RNF144A: variants seen among roughly 807,000 people sequenced by gnomAD.
RNF144A encodes the protein ring finger protein 144A, also known as E3 ubiquitin-protein ligase RNF144A.
A neutral mutation model predicts 38.7 loss-of-function variants in RNF144A; 11 were observed. That is an observed-to-expected ratio of 0.28 (90% confidence interval 0.18 to 0.47). RNF144A has a LOEUF of 0.47. Among genes scored for constraint, RNF144A ranks in the 20% least tolerant of loss-of-function variants. The pLI is 0.99. For synonymous variants in RNF144A, 149 were observed against 143.9 expected, an observed-to-expected ratio of 1.04 and a Z score of -0.25; for missense variants, 316 against 377.2, an observed-to-expected ratio of 0.84 and a Z score of 1.34.
In RNF144A at chr2:6,958,960, A is replaced by G. The variant is rs966541106; in HGVS notation, c.-12+17813A>G. 5.3e-5 allele frequency among the ~76,000 whole-genome samples: 8 copies of G among 152,224 alleles called. No individual in the cohort carries two copies. Among genetic ancestry groups the G allele is most frequent in the African/African-American group, 1.7e-4 (7 of 41,464 alleles). On this transcript the variant is annotated intron_variant, in intron 2 of 8. Coordinates refer to ENST00000320892, the MANE Select transcript of RNF144A (RefSeq NM_014746.6). The surrounding 1 kb of genome is among the most constrained non-coding windows in gnomAD (Gnocchi z 4.5). ...TAAATGGTGCATTAGATCATCTTGC[A>G]GGTGCAGCGTGGGCGTCCAGTTACT...
At chr2:7,027,590 C>T (rs1331055835) in intron 7 of RNF144A, among the ~76,000 whole-genome samples, 1 of 152,310 alleles carries the variant, frequency 6.6e-6, no homozygotes, top group East Asian at 1.9e-4. Flanking sequence ...TTCCAGTGGA[C>T]ATTTTAAAGC....
chr2:6,933,343 AG>A (rs1266972607), intron 1 of RNF144A: 1 of 152,224 alleles, frequency 6.6e-6, no homozygotes. Flanking sequence ...GAGAAGGAAG[AG>A]CCTCTACTAA....
At chr2:6,950,141 C>T (rs977573266) in intron 2 of RNF144A, among the ~76,000 whole-genome samples, 5 of 152,168 alleles carry the variant, frequency 3.3e-5, no homozygotes, top group South Asian at 2.1e-4. Flanking sequence ...ATATCCTGAA[C>T]CTGCCTTTCA....
chr2:7,057,527 C>T (rs1673787135), intron 6 of RNF144A, among the ~76,000 whole-genome samples: 1 of 152,202 alleles, frequency 6.6e-6, no homozygotes. Context: ...GCACTCCCTT[C>T]TCTGATTCTC....
chr2:6,928,063 G>C (rs1438900396), intron 1 of RNF144A, among the ~76,000 whole-genome samples: 1 of 152,142 alleles, frequency 6.6e-6, no homozygotes, highest in Non-Finnish European at 1.5e-5. Context: ...CATGCCTTGA[G>C]GTTAGTTATG....
chr2:7,074,675 G>A, the RNF144A span: 2 of 152,124 alleles, frequency 1.3e-5, no homozygotes, highest in Non-Finnish European at 2.9e-5. Context: ...AGAAACATCT[G>A]TGTCTATGTC....
rs569472368 is a variant in RNF144A, at chr2:6,949,309, G to GA, written c.-12+8171dup. On this transcript the variant is annotated intron_variant, in intron 2 of 8. Transcript: ENST00000320892. Reference sequence around the variant, plus strand: ...TGTATATAAATGTTTCCAGGATGGGGAAAAAAAAATCACATTTCAGAATCT... The same window carrying GA: ...TGTATATAAATGTTTCCAGGATGGGGAAAAAAAAAATCACATTTCAGAATCT... Among the ~76,000 whole-genome samples, 483 of 150,276 alleles carry GA rather than the reference G, an allele frequency of 3.2e-3. 4 individuals are homozygous for GA. The highest frequency in any genetic ancestry group is 5.4e-3 in the Non-Finnish European group (362 of 67,550).
chr2:6,944,311 T>G lies in RNF144A; in HGVS notation c.-12+3164T>G, dbSNP rs1228399564. Among the ~76,000 whole-genome samples the G allele has an allele frequency of 6.6e-6, 1 of 152,156 alleles. No individual in the cohort carries two copies. Among genetic ancestry groups the G allele is most frequent in the Non-Finnish European group, 1.5e-5 (1 of 68,024 alleles). On this transcript the variant is annotated intron_variant, in intron 2 of 8. Transcript: ENST00000320892. The surrounding 1 kb of genome is among the most constrained non-coding windows in gnomAD (Gnocchi z 4.7). ...TCTGCGGGTGCTGCAAGTTCCAGTG[T>G]TCCTCCCAAAGGCTCGGCTTCTCAG...
At chr2:6,970,325 T>G (rs1289574811) in intron 2 of RNF144A, among the ~76,000 whole-genome samples, 1 of 152,110 alleles carries the variant, frequency 6.6e-6, no homozygotes, top group African/African-American at 2.4e-5. Flanking sequence ...AACAGGAGTT[T>G]CCCTGCACAA....
At chr2:6,955,331 C>T (rs994926158) in intron 2 of RNF144A, among the ~76,000 whole-genome samples, 2 of 152,102 alleles carry the variant, frequency 1.3e-5, no homozygotes, top group African/African-American at 4.8e-5. Flanking sequence ...GTTTAGCGCC[C>T]CTGTGACCCC....
intron 2 of RNF144A, among the ~76,000 whole-genome samples, chr2:6,942,425 C>T (rs1666061100): frequency 6.6e-6 from 1 of 152,172 alleles, no homozygotes; most frequent in African/African-American, 2.4e-5. Context: ...TCTCAGAGGT[C>T]ATTGGAGAAT....
intron 2 of RNF144A, 87 bp from the exon 3 acceptor site, chr2:6,996,829 C>T: frequency 7.2e-7 from 1 of 1,393,446 alleles, no homozygotes; most frequent in Non-Finnish European, 9.9e-7. Flanking sequence ...CTCCCTGGGT[C>T]CCAGCTACAG....
chr2:7,006,921 G>GA (rs1304580006), intron 3 of RNF144A, among the ~76,000 whole-genome samples: 2 of 152,146 alleles, frequency 1.3e-5, no homozygotes, highest in African/African-American at 2.4e-5. Flanking sequence ...GGGTCCATGA[G>GA]AAAATGCCGA....
intron 2 of RNF144A, among the ~76,000 whole-genome samples, chr2:6,990,988 T>G (rs974415726): frequency 2.6e-5 from 4 of 152,202 alleles, no homozygotes; most frequent in African/African-American, 9.7e-5. Context: ...GCTTTTAAAT[T>G]TCTTCCATGT....
At chr2:6,970,671 C>G (rs1210310335) in intron 2 of RNF144A, among the ~76,000 whole-genome samples, 2 of 152,190 alleles carry the variant, frequency 1.3e-5, no homozygotes, top group African/African-American at 2.4e-5. Flanking sequence ...GAGGAACTTG[C>G]CCAGGTCCCT....
chr2:6,926,137 C>A (rs975384949), intron 1 of RNF144A, among the ~76,000 whole-genome samples: 3 of 152,236 alleles, frequency 2.0e-5, no homozygotes, highest in Non-Finnish European at 4.4e-5. Flanking sequence ...CCATCCTCAG[C>A]ATGTTTTCCT....
At chr2:7,072,183 A>G (rs1288273038), downstream of RNF144A, among the ~76,000 whole-genome samples, 2 of 152,242 alleles carry the variant, frequency 1.3e-5, no homozygotes, top group Non-Finnish European at 2.9e-5. Flanking sequence ...CACATGCTAG[A>G]CAAAGCCCAG....
At chr2:7,067,245 A>C (rs1674270842) in intron 6 of RNF144A, among the ~76,000 whole-genome samples, 1 of 152,198 alleles carries the variant, frequency 6.6e-6, no homozygotes, top group Non-Finnish European at 1.5e-5. Flanking sequence ...CACACTCCAG[A>C]CTAATATTTC....
intron 3 of RNF144A, among the ~76,000 whole-genome samples, chr2:7,012,087 T>C (rs1670855710): frequency 6.6e-6 from 1 of 152,226 alleles, no homozygotes; most frequent in Admixed American, 6.5e-5. Flanking sequence ...CACAATATCC[T>C]GAGAGTCTTC....
Sources: allele counts gnomAD v4.1 joint callset (sites outside exome capture counted in the v4.1 genomes callset), GRCh38; gene constraint gnomAD v4.1.1; non-coding constraint Gnocchi (gnomAD v3.1); transcripts MANE v1.5; gene names NCBI Gene and HGNC (gene_info 2026-07-23, HGNC 2026-07-21).